Variants in RANBP17 observed in about 807,000 individuals in gnomAD.
RANBP17 encodes ran-binding protein 17.
RANBP17 carries 158 observed loss-of-function variants against 141.2 expected under a neutral mutation model. That is an observed-to-expected ratio of 1.12 (90% confidence interval 0.98 to 1.28). The LOEUF (loss-of-function observed/expected upper bound fraction) is 1.28, where lower values mean the gene tolerates loss of function less well. Among genes scored for constraint, RANBP17 ranks in the 50% most tolerant of loss-of-function variants. The probability of loss-of-function intolerance (pLI) is 0.00; values close to 1 mark genes in which losing one functional copy is unlikely to be tolerated. For missense variants in RANBP17, 1,438 were observed against 1,290.7 expected, an observed-to-expected ratio of 1.11 and a Z score of -1.75; for synonymous variants, 430 against 450.0, an observed-to-expected ratio of 0.96 and a Z score of 0.56.
chr5:171,298,992 C>T lies in RANBP17; in HGVS notation c.*134C>T. On this transcript the variant is annotated 3_prime_UTR_variant, in exon 28 of 28. Transcript: ENST00000523189. ...ATACAAGCAACAGCAAAAGCCCTAA[C>T]TTCTTATACGTCTAGCCTAATTATA... 1.7e-6 allele frequency: 1 copy of T among 587,068 alleles called. No homozygotes were observed. The highest frequency in any genetic ancestry group is 2.9e-5 in the East Asian group (1 of 34,908). The allele number at this position is 587,068 out of a possible 1,614,324, so 36.4% of individuals were successfully genotyped here.
At chr5:170,985,442 A>G (rs1778081519) in intron 14 of RANBP17, among the ~76,000 whole-genome samples, 1 of 152,230 alleles carries the variant, frequency 6.6e-6, no homozygotes, top group South Asian at 2.1e-4. Flanking sequence ...ACAGGATACC[A>G]GAAATTGAGC....
chr5:171,144,121 G>C (rs760249926), intron 14 of RANBP17, among the ~76,000 whole-genome samples: 5 of 152,060 alleles, frequency 3.3e-5, no homozygotes, highest in South Asian at 2.1e-4. Flanking sequence ...TCAACACTTC[G>C]GGAGGCCAAA....
intron 14 of RANBP17, among the ~76,000 whole-genome samples, chr5:171,159,512 C>G (rs367890711): frequency 3.3e-4 from 51 of 152,306 alleles, no homozygotes; most frequent in South Asian, 2.9e-3. Flanking sequence ...AAGGTAGCCC[C>G]TTTCTGTTCC....
chr5:171,108,065 A>T (rs1021886227), intron 14 of RANBP17, among the ~76,000 whole-genome samples: 1 of 152,254 alleles, frequency 6.6e-6, no homozygotes, highest in East Asian at 1.9e-4. Context: ...ATTGATATTC[A>T]AAGAAGGCTT....
chr5:171,012,229 A>G (rs931689785), intron 14 of RANBP17, among the ~76,000 whole-genome samples: 2 of 152,056 alleles, frequency 1.3e-5, no homozygotes, highest in Non-Finnish European at 2.9e-5. Flanking sequence ...GCAATGAACT[A>G]TGGAGCAAAA....
intron 14 of RANBP17, among the ~76,000 whole-genome samples, chr5:171,048,121 G>A (rs1336785528): frequency 1.3e-5 from 2 of 152,126 alleles, no homozygotes; most frequent in African/African-American, 2.4e-5. Context: ...GGAGTGCGAT[G>A]ACACAATCAT....
Position 171,242,596 on chromosome 5 carries a change from A to G in RANBP17, c.2638-86A>G. On this transcript the variant is annotated intron_variant, in intron 23 of 27. Coordinates refer to ENST00000523189, the MANE Select transcript of RANBP17 (RefSeq NM_022897.5). ...GTGTTTAAATAAGTTTACAATTTCC[A>G]GTATTATAAATGACAATTTTCACTG... The G allele has an allele frequency of 6.6e-6, 9 of 1,373,356 alleles. No homozygotes were observed. In the South Asian group the frequency reaches 8.8e-5, roughly 13 times the overall value. The allele number at this position is 1,373,356 out of a possible 1,614,324, so 85.1% of individuals were successfully genotyped here. A position where few individuals can be genotyped will look rare whatever the true frequency, so the allele number is the denominator to read the frequency against.
chr5:171,126,726 A>G (rs900181025), intron 14 of RANBP17, among the ~76,000 whole-genome samples: 1 of 152,158 alleles, frequency 6.6e-6, no homozygotes. Context: ...GCCTAGACAA[A>G]ATTGGATAAA....
chr5:170,862,941 A>G (rs1766941592), intron 1 of RANBP17, among the ~76,000 whole-genome samples: 2 of 152,194 alleles, frequency 1.3e-5, no homozygotes, highest in Admixed American at 6.5e-5. Context: ...TAGCCAGCCA[A>G]ATGTGTATGT....
At chr5:170,954,827 C>T (rs1266435330) in intron 13 of RANBP17, among the ~76,000 whole-genome samples, 1 of 152,128 alleles carries the variant, frequency 6.6e-6, no homozygotes, top group Non-Finnish European at 1.5e-5. Context: ...CTCAATACCA[C>T]ACGGTGTTCT....
At chr5:170,913,773 G>GT (rs35892185) in intron 7 of RANBP17, among the ~76,000 whole-genome samples, 91,146 of 151,770 alleles carry the variant, frequency 0.6, 29,103 homozygotes, top group South Asian at 0.88. Flanking sequence ...AAACATGAAT[G>GT]TAACTATAGC....
intron 14 of RANBP17, among the ~76,000 whole-genome samples, chr5:171,031,022 T>C (rs1422442075): frequency 1.3e-5 from 2 of 152,052 alleles, no homozygotes; most frequent in African/African-American, 4.8e-5. Context: ...ACTTTAAACA[T>C]TTCCATATTT....
intron 13 of RANBP17, among the ~76,000 whole-genome samples, chr5:170,961,751 G>A (rs907133595): frequency 1.3e-5 from 2 of 152,178 alleles, no homozygotes; most frequent in African/African-American, 4.8e-5. Context: ...TACTTAACCT[G>A]TATATATTGG....
intron 24 of RANBP17, among the ~76,000 whole-genome samples, chr5:171,255,318 G>A (rs1482277409): frequency 1.3e-5 from 2 of 152,158 alleles, no homozygotes; most frequent in Non-Finnish European, 2.9e-5. Flanking sequence ...AAGTGAAGCT[G>A]TGTCAGTTTT....
chr5:170,914,022 ATAGC>A (rs1771745193), intron 7 of RANBP17, 141 bp from the exon 8 acceptor site: 1 of 622,854 alleles, frequency 1.6e-6, no homozygotes, highest in South Asian at 1.9e-5. Flanking sequence ...TCAAAGGAAA[ATAGC>A]TAGGAATTAA....
intron 14 of RANBP17, among the ~76,000 whole-genome samples, chr5:171,128,072 G>T (rs1312112920): frequency 6.6e-6 from 1 of 152,026 alleles, no homozygotes; most frequent in Non-Finnish European, 1.5e-5. Context: ...GCAGGAGAAT[G>T]GTGGGAACCT....
intron 14 of RANBP17, among the ~76,000 whole-genome samples, chr5:171,153,273 G>C (rs1342398793): frequency 3.3e-5 from 5 of 152,190 alleles, no homozygotes; most frequent in Non-Finnish European, 7.3e-5. Flanking sequence ...CAGTGGGTTG[G>C]AACCAGCCAG....
At chr5:170,946,535 T>C (rs1327103658) in intron 12 of RANBP17, among the ~76,000 whole-genome samples, 1 of 152,208 alleles carries the variant, frequency 6.6e-6, no homozygotes, top group African/African-American at 2.4e-5. Flanking sequence ...TTATGTTATA[T>C]AAAGTCGCTG....
At chr5:171,243,945 G>C (rs114995776) in intron 24 of RANBP17, among the ~76,000 whole-genome samples, 4,402 of 151,998 alleles carry the variant, frequency 0.029, 97 homozygotes, top group Non-Finnish European at 0.044. Flanking sequence ...AGGCATGATG[G>C]TGGGCGCATA....
Sources: allele counts gnomAD v4.1 joint callset (sites outside exome capture counted in the v4.1 genomes callset), GRCh38; gene constraint gnomAD v4.1.1; transcripts MANE v1.5; gene names NCBI Gene and HGNC (gene_info 2026-07-23, HGNC 2026-07-21).